Variants in GNB1L observed in about 807,000 individuals in gnomAD.
GNB1L encodes guanine nucleotide-binding protein subunit beta-like protein 1.
Under a neutral mutation model 29.1 loss-of-function variants are expected in GNB1L, and 20 were observed. That is an observed-to-expected ratio of 0.69 (90% CI 0.48 to 1.00). The LOEUF (loss-of-function observed/expected upper bound fraction) is 1.00, where lower values mean the gene tolerates loss of function less well. Among genes scored for constraint, GNB1L ranks in the 50% least tolerant of loss-of-function variants. GNB1L has a pLI of 0.00. For synonymous variants in GNB1L, 193 were observed against 206.5 expected (o/e 0.93, Z 0.56); for missense variants, 421 against 464.9 (o/e 0.91, Z 0.87).
chr22:19,811,871 G>A (rs535300402), intron 5 of GNB1L, among the ~76,000 whole-genome samples: 3 of 151,602 alleles, frequency 2.0e-5, no homozygotes, highest in South Asian at 2.1e-4. Context: ...CTCTCCCACC[G>A]CCTCCTGCCA....
At chr22:19,802,290 T>G (rs1366633871) in intron 6 of GNB1L, 74 bp from the exon 7 acceptor site, 2 of 1,207,582 alleles carry the variant, frequency 1.7e-6, no homozygotes, top group African/African-American at 3.0e-5. Context: ...GAAGGGGCTC[T>G]GGAAATTCCT....
At chr22:19,845,721 G>A (rs1463232201) in intron 2 of GNB1L, among the ~76,000 whole-genome samples, 1 of 152,240 alleles carries the variant, frequency 6.6e-6, no homozygotes. Context: ...AACGGGCCCT[G>A]CTGTCCTGGA....
intron 7 of GNB1L, among the ~76,000 whole-genome samples, chr22:19,791,290 C>G (rs892220180): frequency 1.3e-5 from 2 of 152,180 alleles, no homozygotes; most frequent in Non-Finnish European, 2.9e-5. Flanking sequence ...ACATATCATC[C>G]ATAAAGCAAG....
At chr22:19,854,140 T>C (rs1938178592) in intron 2 of GNB1L, among the ~76,000 whole-genome samples, 1 of 152,098 alleles carries the variant, frequency 6.6e-6, no homozygotes, top group African/African-American at 2.4e-5. Flanking sequence ...AGTCTGTTGG[T>C]CCCCCTACTT....
chr22:19,793,235 G>T (rs1937271449), intron 7 of GNB1L: 1 of 580,890 alleles, frequency 1.7e-6, no homozygotes. Context: ...TCTTAGCAGA[G>T]AAATGGAAAT....
At chr22:19,813,327 G>T (rs978868371) in intron 4 of GNB1L, among the ~76,000 whole-genome samples, 1 of 152,186 alleles carries the variant, frequency 6.6e-6, no homozygotes, top group African/African-American at 2.4e-5. Context: ...GTCTAGGGTG[G>T]AGTGGAGGAA....
intron 2 of GNB1L, among the ~76,000 whole-genome samples, chr22:19,822,925 G>A (rs572035674): frequency 1.3e-5 from 2 of 152,292 alleles, no homozygotes; most frequent in Admixed American, 1.3e-4. Flanking sequence ...TCAGAGCTGG[G>A]GCAAAGGTTC....
intron 2 of GNB1L, chr22:19,852,105 C>A: frequency 6.2e-7 from 1 of 1,614,242 alleles, no homozygotes; most frequent in Non-Finnish European, 8.5e-7. Flanking sequence ...ACGGTGTCCC[C>A]ACAGCAGGGC....
chr22:19,805,935 T>C (rs1158154927), intron 6 of GNB1L, among the ~76,000 whole-genome samples: 1 of 152,224 alleles, frequency 6.6e-6, no homozygotes, highest in Non-Finnish European at 1.5e-5. Context: ...TCACTTGCTC[T>C]GCAGCCCTGG....
chr22:19,830,416 T>C (rs1937663174), intron 2 of GNB1L, among the ~76,000 whole-genome samples: 1 of 152,018 alleles, frequency 6.6e-6, no homozygotes, highest in Non-Finnish European at 1.5e-5. Context: ...ACAAAAATAA[T>C]AACCAGTTAG....
chr22:19,811,950 T>A (rs1326796582), intron 5 of GNB1L, among the ~76,000 whole-genome samples: 1 of 151,942 alleles, frequency 6.6e-6, no homozygotes, highest in Non-Finnish European at 1.5e-5. Flanking sequence ...TCCCCTGCCG[T>A]TCCTGCCGGC....
intron 2 of GNB1L, among the ~76,000 whole-genome samples, chr22:19,828,407 C>T (rs576765555): frequency 3.9e-5 from 6 of 152,244 alleles, no homozygotes; most frequent in African/African-American, 1.4e-4. Flanking sequence ...GTAGTCCCAA[C>T]ACTTTGGGAG....
intron 2 of GNB1L, among the ~76,000 whole-genome samples, chr22:19,827,981 C>T (rs1047674978): frequency 1.3e-5 from 2 of 152,160 alleles, no homozygotes; most frequent in African/African-American, 4.8e-5. Flanking sequence ...TAGAATACTC[C>T]ACAGAACTGA....
In GNB1L at chr22:19,786,108, C is replaced by T. The variant is rs892120535; in HGVS notation, c.*2601G>A. 1 of 152,436 alleles carries T rather than the reference C, an allele frequency of 6.6e-6. No homozygotes were observed. The allele number at this position is 152,436 out of a possible 1,614,324, so 9.4% of individuals were successfully genotyped here. On this transcript the variant is annotated 3_prime_UTR_variant, in exon 8 of 8. Coordinates refer to ENST00000329517, the MANE Select transcript of GNB1L (RefSeq NM_053004.3). ...CCTCCACAGGACGTCTATAAGGCCTCAGAAGCTGGATCTGCCTGGCAAGGG... is the reference window on the plus strand; with the variant it reads ...CCTCCACAGGACGTCTATAAGGCCTTAGAAGCTGGATCTGCCTGGCAAGGG...
intron 7 of GNB1L, among the ~76,000 whole-genome samples, chr22:19,800,931 C>T (rs928591537): frequency 3.3e-5 from 5 of 152,228 alleles, no homozygotes; most frequent in Admixed American, 2.0e-4. Flanking sequence ...CCTCCCCGCC[C>T]CACAGGGGCC....
intron 2 of GNB1L, among the ~76,000 whole-genome samples, chr22:19,828,105 G>T (rs181400593): frequency 6.6e-6 from 1 of 152,262 alleles, no homozygotes; most frequent in African/African-American, 2.4e-5. Flanking sequence ...TTCACAACAC[G>T]TATCTGTTCA....
At chr22:19,821,406 T>A (rs534165741) in intron 2 of GNB1L, 31 bp from the exon 3 acceptor site, 1 of 1,597,304 alleles carries the variant, frequency 6.3e-7, no homozygotes, top group East Asian at 2.2e-5. Context: ...TGTGAGTGAC[T>A]GCGTCCCTAT....
intron 2 of GNB1L, among the ~76,000 whole-genome samples, chr22:19,832,715 G>A (rs1233217910): frequency 6.6e-6 from 1 of 152,244 alleles, no homozygotes; most frequent in East Asian, 1.9e-4. Flanking sequence ...TCTGATCAGG[G>A]GAACCAAGGA....
rs775148749 is a variant in GNB1L, at chr22:19,802,220, C to A, written c.517-4G>T. 2 of 1,611,142 alleles carry A rather than the reference C, an allele frequency of 1.2e-6. No homozygotes were observed. Among genetic ancestry groups the A allele is most frequent in the Admixed American group, 1.7e-5 (1 of 60,002 alleles). On this transcript the variant is annotated splice_region_variant and splice_polypyrimidine_tract_variant and intron_variant, in intron 6 of 7. Coordinates refer to ENST00000329517, the MANE Select transcript of GNB1L (RefSeq NM_053004.3). ...GTGGGCGGGAGCTGCAGTCGGCCTGCGGGGAACAGCAGAGCAGTCAGCTCC... is the reference window on the plus strand; with the variant it reads ...GTGGGCGGGAGCTGCAGTCGGCCTGAGGGGAACAGCAGAGCAGTCAGCTCC...
Sources: gnomAD v4.1 joint callset for allele counts (sites outside exome capture counted in the v4.1 genomes callset) on GRCh38, gnomAD v4.1.1 for gene constraint, MANE v1.5 for transcripts, NCBI Gene and HGNC (gene_info 2026-07-23, HGNC 2026-07-21) for gene names.